The following ZNF585A variants were observed in gnomAD, a reference collection of about 807,000 sequenced individuals.
The protein encoded by ZNF585A is zinc finger protein 585A.
Under a neutral mutation model 14.9 loss-of-function variants are expected in ZNF585A, and 9 were observed. That is an observed-to-expected ratio of 0.60 (90% CI 0.36 to 1.05). The LOEUF (loss-of-function observed/expected upper bound fraction) is 1.05. ZNF585A is among the 50% of genes least tolerant of loss of function. The probability of loss-of-function intolerance (pLI) is 0.01; values close to 1 mark genes in which losing one functional copy is unlikely to be tolerated. For synonymous variants in ZNF585A, 276 were observed against 319.9 expected, an observed-to-expected ratio of 0.86 and a Z score of 1.46; for missense variants, 726 against 926.4, an observed-to-expected ratio of 0.78 and a Z score of 2.81.
chr19:37,168,280 C>G (rs561360177), intron 2 of ZNF585A, among the ~76,000 whole-genome samples: 1 of 152,210 alleles, frequency 6.6e-6, no homozygotes, highest in East Asian at 1.9e-4. Context: ...AGCCCCTGAC[C>G]GCTGAGAGTT....
chr19:37,158,161 C>T (rs2145405465), intron 2 of ZNF585A, among the ~76,000 whole-genome samples: 1 of 152,292 alleles, frequency 6.6e-6, no homozygotes, highest in East Asian at 1.9e-4. Context: ...GGTGGGATTA[C>T]TGGCATGAGC....
intron 2 of ZNF585A, among the ~76,000 whole-genome samples, chr19:37,158,340 G>A (rs142638640): frequency 1.7e-3 from 263 of 152,312 alleles, no homozygotes; most frequent in Non-Finnish European, 3.0e-3. Context: ...GAAGGGAAGC[G>A]TACAATGGAT....
rs1972156900 is a variant in ZNF585A at position 37,170,031 on chromosome 19, G to A, written c.-121C>T. 8.1e-7 allele frequency: 1 copy of A among 1,239,908 alleles called. No individual in the cohort carries two copies. Among genetic ancestry groups the A allele is most frequent in the Admixed American group, 2.2e-5 (1 of 44,478 alleles). The allele number at this position is 1,239,908 out of a possible 1,614,324, so 76.8% of individuals were successfully genotyped here. On this transcript the variant is annotated 5_prime_UTR_variant, in exon 2 of 5. Transcript: ENST00000292841. ...AGTCTAGAGGAAAATCTGGCCCAGG[G>A]GCTCCCCAGAGACACCCAGAAACCT...
chr19:37,153,068 C>G lies in ZNF585A; in HGVS notation c.831G>C (p.Gln277His), dbSNP rs779537700. ...ERSYICIECG[Q>H]AFIQKTHLIA... The stretch of plus-strand genomic sequence containing the variant: ...TCAAATGGGTCTTCTGGATGAAGGC[C>G]TGTCCGCATTCAATACAGATGTAGG... Residue 277 changes from glutamine (Q) to histidine (H), a missense_variant, in exon 5 of 5, where the codon CAG becomes CAC. By Grantham distance (24) the Gln-to-His change is conservative. Transcript: ENST00000292841. The G allele has an allele frequency of 3.1e-6, 5 of 1,614,166 alleles. No individual in the cohort carries two copies. Among genetic ancestry groups the G allele is most frequent in the Non-Finnish European group, 4.2e-6 (5 of 1,180,030 alleles).
chr19:37,158,100 A>G (rs1270281975), intron 2 of ZNF585A, among the ~76,000 whole-genome samples: 1 of 151,968 alleles, frequency 6.6e-6, no homozygotes, highest in Non-Finnish European at 1.5e-5. Context: ...GCTGGCCAGG[A>G]TGGTCTCGAT....
intron 2 of ZNF585A, among the ~76,000 whole-genome samples, chr19:37,161,416 A>G (rs1281581600): frequency 6.6e-6 from 1 of 152,220 alleles, no homozygotes; most frequent in Admixed American, 6.5e-5. Flanking sequence ...CAAAACATAC[A>G]TAACATTTGG....
At chr19:37,154,794 TA>T (rs532561001) in intron 4 of ZNF585A, among the ~76,000 whole-genome samples, 2,784 of 105,458 alleles carry the variant, frequency 0.026, 76 homozygotes, top group African/African-American at 0.078. Context: ...CATCTCACAG[TA>T]AAAAAAAAAA....
intron 4 of ZNF585A, among the ~76,000 whole-genome samples, chr19:37,154,894 G>A (rs1426291674): frequency 6.6e-6 from 1 of 151,754 alleles, no homozygotes; most frequent in East Asian, 1.9e-4. Context: ...AAAGAAAGCA[G>A]ATCCGTGAAT....
intron 2 of ZNF585A, among the ~76,000 whole-genome samples, chr19:37,168,186 C>T (rs1972126799): frequency 6.6e-6 from 1 of 152,050 alleles, no homozygotes; most frequent in South Asian, 2.1e-4. Flanking sequence ...TGATTTTCAC[C>T]TTAAATTCCT....
intron 4 of ZNF585A, among the ~76,000 whole-genome samples, chr19:37,154,555 C>T (rs1403907259): frequency 6.6e-6 from 1 of 151,892 alleles, no homozygotes; most frequent in Non-Finnish European, 1.5e-5. Flanking sequence ...ACAACAAAAA[C>T]GAACCCTGGT....
At chr19:37,155,093 C>T (rs529529140) in intron 4 of ZNF585A, among the ~76,000 whole-genome samples, 35 of 150,792 alleles carry the variant, frequency 2.3e-4, no homozygotes, top group Non-Finnish European at 2.8e-4. Flanking sequence ...CTCTGCCTCC[C>T]GGGTTCATGC....
At chr19:37,164,536 A>G (rs945355572) in intron 2 of ZNF585A, among the ~76,000 whole-genome samples, 2 of 152,278 alleles carry the variant, frequency 1.3e-5, no homozygotes, top group Admixed American at 1.3e-4. Context: ...TCATAGCTAT[A>G]TATCTTATTG....
chr19:37,152,905 C>T lies in ZNF585A; in HGVS notation c.994G>A (p.Gly332Arg). 1 of 1,614,212 alleles carries T rather than the reference C, an allele frequency of 6.2e-7. No homozygotes were observed. The highest frequency in any genetic ancestry group is 8.5e-7 in the Non-Finnish European group (1 of 1,180,044). The change falls in exon 5 of 5, where the codon GGG becomes AGG. Residue 332 changes from glycine to arginine, a missense_variant. Coordinates refer to ENST00000292841, the MANE Select transcript of ZNF585A (RefSeq NM_001288800.2). ...RVKPYICTEY[G>R]KVFSNNSNLV... ...TTGGAATTATTGCTGAAGACCTTCC[C>T]ATATTCGGTACATATATAGGGCTTC... is the stretch of plus-strand genomic sequence containing the variant.
At chr19:37,166,476 C>T (rs762623436) in intron 2 of ZNF585A, among the ~76,000 whole-genome samples, 1 of 152,098 alleles carries the variant, frequency 6.6e-6, no homozygotes, top group African/African-American at 2.4e-5. Flanking sequence ...CGCACCACCA[C>T]ATCCGGCTAA....
In ZNF585A at chr19:37,152,228, T is replaced by C. The variant is rs1190325895; in HGVS notation, c.1671A>G (p.Lys557=). 1 of 1,613,960 alleles carries C rather than the reference T, an allele frequency of 6.2e-7. No individual in the cohort carries two copies. Among genetic ancestry groups the C allele is most frequent in the Non-Finnish European group, 8.5e-7 (1 of 1,179,964 alleles). The change falls in exon 5 of 5, where the codon AAA becomes AAG. Residue 557 remains lysine (K), a synonymous_variant. Coordinates refer to ENST00000292841, the MANE Select transcript of ZNF585A (RefSeq NM_001288800.2). ...ERQYECHECG[K]AFNQKSILIV... is the part of the protein sequence containing the mutation. ...TGAGTATTGATTTCTGGTTGAAGGCTTTCCCACATTCGTGGCATTCATACT... is the reference window on the plus strand; with the variant it reads ...TGAGTATTGATTTCTGGTTGAAGGCCTTCCCACATTCGTGGCATTCATACT...
chr19:37,160,081 C>CCAA (rs2145407396), intron 2 of ZNF585A, among the ~76,000 whole-genome samples: 1 of 152,034 alleles, frequency 6.6e-6, no homozygotes, highest in South Asian at 2.1e-4. Context: ...TCCTATAATC[C>CCAA]CAACACTTTG....
chr19:37,163,122 G>A (rs1972035846), intron 2 of ZNF585A, among the ~76,000 whole-genome samples: 1 of 151,972 alleles, frequency 6.6e-6, no homozygotes, highest in South Asian at 2.1e-4. Context: ...GGGGAATCAA[G>A]ACAATGTCAT....
rs373135823 is a variant in ZNF585A, at chr19:37,151,979, C to T, written c.1920G>A (p.Gly640=). 3 of 1,613,944 alleles carry T rather than the reference C, an allele frequency of 1.9e-6. No individual in the cohort carries two copies. Among genetic ancestry groups the T allele is most frequent in the Non-Finnish European group, 2.5e-6 (3 of 1,180,016 alleles). ...GEKPYVCAEC[G]KAFSGRSNLS... ...GATTTGACCTGCCACTAAAGGCCTT[C>T]CCGCACTCGGCACACACATAGGGTT... The change falls in exon 5 of 5, where the codon GGG becomes GGA. Residue 640 remains glycine, a synonymous_variant. Coordinates refer to ENST00000292841, the MANE Select transcript of ZNF585A (RefSeq NM_001288800.2).
In ZNF585A at chr19:37,147,859, A is replaced by G. The variant is rs1971764422; in HGVS notation, c.*3730T>C. 6.6e-6 allele frequency: 1 copy of G among 152,216 alleles called. No individual in the cohort carries two copies. The highest frequency in any genetic ancestry group is 6.5e-5 in the Admixed American group (1 of 15,288). The allele number at this position is 152,216 out of a possible 1,614,324, so 9.4% of individuals were successfully genotyped here. On this transcript the variant is annotated 3_prime_UTR_variant, in exon 5 of 5. Transcript: ENST00000292841. ...ATGTTGTAGTAAGTGTCAATAAATC[A>G]TTTCTTTATGTCTGAGCAGCCCTCC...
Sources: allele counts gnomAD v4.1 joint callset (sites outside exome capture counted in the v4.1 genomes callset), GRCh38; gene constraint gnomAD v4.1.1; transcripts MANE v1.5; gene names NCBI Gene and HGNC (gene_info 2026-07-23, HGNC 2026-07-21).